TEX26: variants seen among roughly 807,000 people sequenced by gnomAD.
The protein encoded by TEX26 is testis-expressed protein 26.
In TEX26, 34 loss-of-function variants were observed where a neutral mutation model predicts 35.3. The observed-to-expected ratio is 0.96, with a 90% CI of 0.73 to 1.28. The LOEUF (loss-of-function observed/expected upper bound fraction) is 1.28. Ranked by LOEUF, TEX26 falls within the 50% of genes most tolerant of loss-of-function variation. The pLI is 0.00. For synonymous variants in TEX26, 136 were observed against 111.8 expected, an observed-to-expected ratio of 1.22 and a Z score of -1.36; for missense variants, 371 against 330.1, an observed-to-expected ratio of 1.12 and a Z score of -0.96.
At chr13:30,971,851 T>C (rs61947613) in intron 6 of TEX26, among the ~76,000 whole-genome samples, 21,968 of 152,196 alleles carry the variant, frequency 0.14, 1,686 homozygotes, top group African/African-American at 0.19. Context: ...AATGATCTGA[T>C]ACCCAGTTTT....
chr13:30,939,206 G>T (rs930204763), intron 1 of TEX26, among the ~76,000 whole-genome samples: 2 of 152,222 alleles, frequency 1.3e-5, no homozygotes, highest in African/African-American at 4.8e-5. Context: ...TGTGCTGCCT[G>T]GGAGGAGGGA....
At chr13:30,957,542 T>C (rs953077818) in intron 4 of TEX26, among the ~76,000 whole-genome samples, 2 of 152,140 alleles carry the variant, frequency 1.3e-5, no homozygotes, top group African/African-American at 4.8e-5. Context: ...ACAATTCAGA[T>C]GTCGACTTTT....
Position 30,975,038 on chromosome 13 carries a change from T to C in TEX26, c.*131T>C. The C allele has an allele frequency of 1.7e-6, 1 of 591,758 alleles. No individual in the cohort carries two copies. The highest frequency in any genetic ancestry group is 2.8e-6 in the Non-Finnish European group (1 of 362,314). The allele number at this position is 591,758 out of a possible 1,614,324, so 36.7% of individuals were successfully genotyped here. On this transcript the variant is annotated 3_prime_UTR_variant, in exon 7 of 7. Coordinates refer to ENST00000380473, the MANE Select transcript of TEX26 (RefSeq NM_152325.3). ...TCAAGTATGATGTGATAGTCATGAATTTGTGTCTTTTGCTCCGCTTTATTT... is the reference window on the plus strand; with the variant it reads ...TCAAGTATGATGTGATAGTCATGAACTTGTGTCTTTTGCTCCGCTTTATTT...
chr13:30,974,526 C>T (rs2138368156), intron 6 of TEX26, among the ~76,000 whole-genome samples: 1 of 152,246 alleles, frequency 6.6e-6, no homozygotes, highest in East Asian at 1.9e-4. Context: ...AGATGAGGAA[C>T]TGAGGAAGTG....
At chr13:30,932,848 A>G in intron 1 of TEX26, 72 bp downstream of exon 1, 1 of 1,529,794 alleles carries the variant, frequency 6.5e-7, no homozygotes, top group Non-Finnish European at 8.9e-7. Flanking sequence ...CCTGTTGAGA[A>G]AAAGGGGCCT....
rs1383351348 is a variant in TEX26, at chr13:30,942,623, C to T, written c.146+2845C>T. ...TCCAGAAGAGTTTTTCCTAAGTTAT[C>T]TCCTAGAATTTTTATGGTTTCCAGT... On this transcript the variant is annotated intron_variant, in intron 2 of 6. Transcript: ENST00000380473. Among the ~76,000 whole-genome samples the T allele has an allele frequency of 2.0e-5, 3 of 151,984 alleles. No homozygotes were observed. In the East Asian group the frequency reaches 5.8e-4, roughly 29 times the overall value.
At chr13:30,934,942 G>A (rs1403891425) in intron 1 of TEX26, among the ~76,000 whole-genome samples, 1 of 152,220 alleles carries the variant, frequency 6.6e-6, no homozygotes, top group Non-Finnish European at 1.5e-5. Context: ...CAGGAGCCAG[G>A]GACAAGTGGG....
At chr13:30,965,585 C>A (rs1428153246) in intron 4 of TEX26, among the ~76,000 whole-genome samples, 1 of 152,178 alleles carries the variant, frequency 6.6e-6, no homozygotes, top group Non-Finnish European at 1.5e-5. Context: ...CCTCTGTAAT[C>A]TGATAATGTT....
chr13:30,952,591 T>C (rs1953967709), intron 2 of TEX26, 69 bp from the exon 3 acceptor site: 3 of 1,284,510 alleles, frequency 2.3e-6, no homozygotes, highest in Admixed American at 2.6e-5. Context: ...TAAAATGATT[T>C]GACATGTGTA....
chr13:30,954,700 C>T lies in TEX26; in HGVS notation c.312+1875C>T, dbSNP rs550501147. 2.1e-4 allele frequency among the ~76,000 whole-genome samples: 32 copies of T among 152,234 alleles called. No individual in the cohort carries two copies. In the East Asian group the frequency reaches 6.2e-3, roughly 29 times the overall value. ...CTCAAACTCCTGGGTTCAAGCAATC[C>T]TTTCACCCTGGCCTTCCAAAGCCCT... is the stretch of plus-strand genomic sequence containing the variant. On this transcript the variant is annotated intron_variant, in intron 3 of 6. Coordinates refer to ENST00000380473, the MANE Select transcript of TEX26 (RefSeq NM_152325.3).
intron 3 of TEX26, among the ~76,000 whole-genome samples, chr13:30,954,951 G>A (rs1451057754): frequency 6.6e-6 from 1 of 152,174 alleles, no homozygotes; most frequent in Non-Finnish European, 1.5e-5. Context: ...GCCAATGAGT[G>A]TTCACATGCC....
intron 2 of TEX26, among the ~76,000 whole-genome samples, chr13:30,942,744 T>C (rs917565030): frequency 3.4e-4 from 51 of 152,156 alleles, no homozygotes; most frequent in Non-Finnish European, 1.2e-4. Flanking sequence ...TATGGTGTCC[T>C]TTCCCAAATT....
At chr13:30,941,068 C>A (rs1953486449) in intron 2 of TEX26, among the ~76,000 whole-genome samples, 2 of 152,202 alleles carry the variant, frequency 1.3e-5, no homozygotes, top group South Asian at 4.1e-4. Flanking sequence ...CCCTTATTAT[C>A]TCTGCTACCT....
chr13:30,966,225 A>T lies in TEX26; in HGVS notation c.473A>T (p.Gln158Leu). 6.2e-7 allele frequency: 1 copy of T among 1,613,986 alleles called. No individual in the cohort carries two copies. Among genetic ancestry groups the T allele is most frequent in the Non-Finnish European group, 8.5e-7 (1 of 1,179,968 alleles). The change falls in exon 5 of 7, where the codon CAG becomes CTG. Residue 158 changes from glutamine (Q) to leucine (L), a missense_variant. By Grantham distance (113) the Gln-to-Leu change is moderately radical (BLOSUM62 -2). Coordinates refer to ENST00000380473, the MANE Select transcript of TEX26 (RefSeq NM_152325.3). ...TTCCATTTCCATTCCACCCCAGCTC[A>T]GAAGATTAAGAAAAGTTCTCACTTG... Reference protein sequence around the residue: ...KRDFVDRSKAQKIKKSSHLSL... With the variant: ...KRDFVDRSKALKIKKSSHLSL...
intron 5 of TEX26, among the ~76,000 whole-genome samples, chr13:30,967,351 C>A (rs1954573613): frequency 6.6e-6 from 1 of 152,152 alleles, no homozygotes; most frequent in Non-Finnish European, 1.5e-5. Context: ...TCCATCCTTG[C>A]CAAGGGGTGA....
chr13:30,952,792 A>G lies in TEX26; in HGVS notation c.279A>G (p.Arg93=), dbSNP rs1220879463. 1 of 1,613,108 alleles carries G rather than the reference A, an allele frequency of 6.2e-7. No individual in the cohort carries two copies. The highest frequency in any genetic ancestry group is 2.2e-5 in the East Asian group (1 of 44,726). Residue 93 remains arginine, a synonymous_variant, in exon 3 of 7, where the codon AGA becomes AGG. Coordinates refer to ENST00000380473, the MANE Select transcript of TEX26 (RefSeq NM_152325.3). ...KEDLIKTETS[R]GIKSHKSHLN... is the part of the protein sequence containing the mutation. ...ATTTGATCAAAACTGAGACTTCAAG[A>G]GGAATCAAGAGCCACAAATCTCATC...
At chr13:30,963,149 T>C (rs1954410154) in intron 4 of TEX26, among the ~76,000 whole-genome samples, 1 of 152,092 alleles carries the variant, frequency 6.6e-6, no homozygotes, top group South Asian at 2.1e-4. Flanking sequence ...TTTTGAATGG[T>C]CCTTGCTGAA....
At chr13:30,961,972 A>C (rs1954361215) in intron 4 of TEX26, among the ~76,000 whole-genome samples, 2 of 152,032 alleles carry the variant, frequency 1.3e-5, no homozygotes, top group Non-Finnish European at 2.9e-5. Context: ...TCTCTTCCCA[A>C]ACCTCTCCTT....
chr13:30,975,041 G>T lies in TEX26; in HGVS notation c.*134G>T. 5.1e-6 allele frequency: 3 copies of T among 590,978 alleles called. No homozygotes were observed. Among genetic ancestry groups the T allele is most frequent in the Non-Finnish European group, 8.3e-6 (3 of 362,626 alleles). The allele number at this position is 590,978 out of a possible 1,614,324, so 36.6% of individuals were successfully genotyped here. A position where few individuals can be genotyped will look rare whatever the true frequency, so the allele number is the denominator to read the frequency against. On this transcript the variant is annotated 3_prime_UTR_variant, in exon 7 of 7. Transcript: ENST00000380473. ...AGTATGATGTGATAGTCATGAATTT[G>T]TGTCTTTTGCTCCGCTTTATTTTTA... is the stretch of plus-strand genomic sequence containing the variant.
Sources: gnomAD v4.1 joint callset for allele counts (sites outside exome capture counted in the v4.1 genomes callset) on GRCh38, gnomAD v4.1.1 for gene constraint, MANE v1.5 for transcripts, NCBI Gene and HGNC (gene_info 2026-07-23, HGNC 2026-07-21) for gene names.